The following LRTM3 variants were observed in gnomAD, a reference collection of about 807,000 sequenced individuals.
LRTM3 encodes leucine rich repeat transmembrane protein 3.
the LRTM3 span, among the ~76,000 whole-genome samples, chr13:102,752,874 T>C: frequency 6.6e-6 from 1 of 152,262 alleles, no homozygotes; most frequent in Non-Finnish European, 1.5e-5. Flanking sequence ...TTAACTGATG[T>C]TAGTTAACTT....
chr13:102,746,734 C>T, the LRTM3 span: 4 of 1,550,978 alleles, frequency 2.6e-6, no homozygotes, highest in Non-Finnish European at 3.5e-6. Context: ...GTATTTCTGT[C>T]TTTTCTTCTG....
At chr13:102,749,739 G>A in the LRTM3 span, 3 of 1,551,238 alleles carry the variant, frequency 1.9e-6, no homozygotes, top group Non-Finnish European at 2.6e-6. Flanking sequence ...TTTATATATT[G>A]GGCTTGACTA....
At chr13:102,745,208 T>G in the LRTM3 span, 4 of 1,550,894 alleles carry the variant, frequency 2.6e-6, no homozygotes, top group Non-Finnish European at 3.5e-6. Context: ...ATGTTGCAGG[T>G]GCTGTGGAAT....
chr13:102,731,516 G>GC, the LRTM3 span: 1 of 1,551,348 alleles, frequency 6.4e-7, no homozygotes, highest in Non-Finnish European at 8.7e-7. Context: ...GGGATATATT[G>GC]CTGTTGATAT....
chr13:102,750,254 C>A, the LRTM3 span: 1 of 1,551,268 alleles, frequency 6.4e-7, no homozygotes, highest in Non-Finnish European at 8.7e-7. Context: ...ACTAGAGGGA[C>A]TTACTTGATC....
At chr13:102,755,846 A>G in the LRTM3 span, among the ~76,000 whole-genome samples, 1 of 149,622 alleles carries the variant, frequency 6.7e-6, no homozygotes, top group African/African-American at 2.5e-5. Flanking sequence ...AAAAAATACT[A>G]TGTTCATAGT....
At chr13:102,741,821 T>C in the LRTM3 span, 1 of 1,547,414 alleles carries the variant, frequency 6.5e-7, no homozygotes, top group Admixed American at 2.0e-5. Flanking sequence ...GAATTCAAGT[T>C]CTTCATCTGT....
the LRTM3 span, chr13:102,740,434 A>C: frequency 6.5e-7 from 1 of 1,550,156 alleles, no homozygotes; most frequent in Non-Finnish European, 8.7e-7. Context: ...CCTTTTCCTG[A>C]GGCATTAAAT....
the LRTM3 span, chr13:102,731,877 T>C: frequency 1.3e-6 from 2 of 1,549,470 alleles, no homozygotes; most frequent in Non-Finnish European, 1.7e-6. Flanking sequence ...GGTGTCAGAA[T>C]GCGTTTTAGA....
At chr13:102,745,548 T>G in the LRTM3 span, 2 of 1,551,056 alleles carry the variant, frequency 1.3e-6, no homozygotes, top group East Asian at 4.9e-5. Context: ...ATGTATGAAA[T>G]TGATGGCTTC....
At chr13:102,731,443 A>G in the LRTM3 span, 1 of 1,551,396 alleles carries the variant, frequency 6.4e-7, no homozygotes, top group Non-Finnish European at 8.7e-7. Flanking sequence ...ACTCTAAATG[A>G]CTAGTAAGCT....
the LRTM3 span, chr13:102,738,419 G>C: frequency 1.3e-6 from 2 of 1,550,786 alleles, no homozygotes; most frequent in Non-Finnish European, 1.7e-6. Flanking sequence ...ATGAGAAGGA[G>C]AAGGAATGGA....
At chr13:102,740,882 T>C in the LRTM3 span, 1 of 1,550,002 alleles carries the variant, frequency 6.5e-7, no homozygotes, top group South Asian at 1.2e-5. Flanking sequence ...CATTAAAGAG[T>C]GAGAAACAGA....
At chr13:102,755,639 A>G in the LRTM3 span, among the ~76,000 whole-genome samples, 71 of 152,008 alleles carry the variant, frequency 4.7e-4, no homozygotes, top group African/African-American at 1.5e-3. Context: ...ACATATACCA[A>G]GGCCTTTTCG....
chr13:102,735,402 T>G, the LRTM3 span: 3 of 1,551,154 alleles, frequency 1.9e-6, no homozygotes, highest in Non-Finnish European at 2.6e-6. Context: ...AGAGACACTT[T>G]TGCAATTCTT....
chr13:102,745,651 A>T, the LRTM3 span: 1 of 1,550,896 alleles, frequency 6.4e-7, no homozygotes, highest in Non-Finnish European at 8.7e-7. Flanking sequence ...TAGATAAAGC[A>T]GGCATGCAGG....
At chr13:102,738,563 AT>A in the LRTM3 span, 5 of 1,550,116 alleles carry the variant, frequency 3.2e-6, no homozygotes, top group Non-Finnish European at 4.4e-6. Flanking sequence ...AATTTTTTCC[AT>A]TTTTTGCCTC....
the LRTM3 span, chr13:102,737,187 C>A: frequency 6.4e-7 from 1 of 1,551,082 alleles, no homozygotes. Context: ...TTTCCTCTAT[C>A]TACTTCTTTC....
chr13:102,740,228 AAG>A, the LRTM3 span: 3 of 1,549,258 alleles, frequency 1.9e-6, no homozygotes, highest in Non-Finnish European at 1.7e-6. Context: ...TTTTGGAAAT[AAG>A]AGACTTGCAT....
Sources: gnomAD v4.1 joint callset for allele counts (sites outside exome capture counted in the v4.1 genomes callset) on GRCh38, gnomAD v4.1.1 for gene constraint, MANE v1.5 for transcripts, NCBI Gene and HGNC (gene_info 2026-07-23, HGNC 2026-07-21) for gene names.